The following KMT2C variants were observed in gnomAD, a reference collection of about 807,000 sequenced individuals.
KMT2C encodes histone-lysine N-methyltransferase 2C.
A neutral mutation model predicts 507.9 loss-of-function variants in KMT2C; 88 were observed. The observed-to-expected ratio is 0.17, with a 90% CI of 0.15 to 0.21. The LOEUF is 0.21. KMT2C is among the 10% of genes least tolerant of loss of function. The pLI is 1.00. For missense variants in KMT2C, 4,954 were observed against 5,957.8 expected, an observed-to-expected ratio of 0.83 and a Z score of 5.55; for synonymous variants, 2,049 against 2,080.8, an observed-to-expected ratio of 0.98 and a Z score of 0.42.
intron 12 of KMT2C, 30 bp from the exon 13 acceptor site, chr7:152,249,983 A>T: frequency 6.3e-6 from 9 of 1,439,344 alleles, no homozygotes; most frequent in Non-Finnish European, 8.8e-6. Context: ...AAAATCTCTA[A>T]GGAGTCAAAA....
At chr7:152,354,690 C>G (rs1340826216) in intron 2 of KMT2C, among the ~76,000 whole-genome samples, 1 of 152,030 alleles carries the variant, frequency 6.6e-6, no homozygotes, top group East Asian at 1.9e-4. Flanking sequence ...GCAAAGAAGA[C>G]AAAAAGTGCA....
chr7:152,399,548 A>G (rs1367849986), intron 1 of KMT2C, among the ~76,000 whole-genome samples: 2 of 152,118 alleles, frequency 1.3e-5, no homozygotes, highest in Non-Finnish European at 2.9e-5. Context: ...GCTTAACCCT[A>G]AAGTAAAGCC....
At chr7:152,335,418 A>G (rs1223447424) in intron 2 of KMT2C, among the ~76,000 whole-genome samples, 1 of 152,210 alleles carries the variant, frequency 6.6e-6, no homozygotes, top group Admixed American at 6.5e-5. Context: ...TTAAGGAGGA[A>G]TAAGAATAGT....
chr7:152,203,720 A>G (rs188522874), intron 25 of KMT2C, among the ~76,000 whole-genome samples: 1 of 152,322 alleles, frequency 6.6e-6, no homozygotes, highest in East Asian at 1.9e-4. Flanking sequence ...GGCAGGGCAA[A>G]TGGCACATCC....
chr7:152,327,920 T>A (rs1279719126), intron 3 of KMT2C, among the ~76,000 whole-genome samples: 2 of 140,076 alleles, frequency 1.4e-5, no homozygotes, highest in Admixed American at 7.9e-5. Context: ...ATCGCGCCAC[T>A]GCATTCCAGC....
Position 152,324,937 on chromosome 7 carries a change from A to C in KMT2C, c.389+5664T>G, listed in dbSNP as rs2096812814. The stretch of plus-strand genomic sequence containing the variant: ...AATGTTTATTGAAAGTAATCGAGTA[A>C]TGTTTATTGCAAGTAATCAAGTAAT... On this transcript the variant is annotated intron_variant, in intron 3 of 58. Coordinates refer to ENST00000262189, the MANE Select transcript of KMT2C (RefSeq NM_170606.3). Among the ~76,000 whole-genome samples the C allele has an allele frequency of 2.6e-5, 4 of 152,044 alleles. No homozygotes were observed. The South Asian group carries it at 8.3e-4, about 31-fold the overall frequency.
chr7:152,268,047 A>C (rs548768266), intron 7 of KMT2C, among the ~76,000 whole-genome samples: 1 of 152,302 alleles, frequency 6.6e-6, no homozygotes, highest in East Asian at 1.9e-4. Context: ...TGGGAGGCCA[A>C]AGCAGATGGA....
In KMT2C at chr7:152,150,999, T is replaced by C; in HGVS notation, c.12675A>G (p.Arg4225=). The C allele has an allele frequency of 6.2e-7, 1 of 1,600,138 alleles. No homozygotes were observed. Among genetic ancestry groups the C allele is most frequent in the South Asian group, 1.1e-5 (1 of 89,860 alleles). The change falls in exon 51 of 59, where the codon CGA becomes CGG. Residue 4225 remains arginine, a synonymous_variant. Transcript: ENST00000262189. ...KDLTLLNKDS[R]ESTKRVEKDI... ...CCTTCTCTACCCTCTTGGTGCTTTCTCGGGAATCCTGAAAAGCAAAGAGAA... is the reference window on the plus strand; with the variant it reads ...CCTTCTCTACCCTCTTGGTGCTTTCCCGGGAATCCTGAAAAGCAAAGAGAA...
chr7:152,223,198 A>G (rs1367581042), intron 20 of KMT2C, among the ~76,000 whole-genome samples: 4 of 152,210 alleles, frequency 2.6e-5, no homozygotes, highest in Non-Finnish European at 5.9e-5. Flanking sequence ...TATTAATAAT[A>G]TATGTTCACT....
At chr7:152,184,072 CAA>C (rs555445009) in intron 34 of KMT2C, among the ~76,000 whole-genome samples, 5 of 49,462 alleles carry the variant, frequency 1.0e-4, no homozygotes, top group Non-Finnish European at 1.1e-4. Context: ...AGCTCCATCT[CAA>C]AAAAAAAAAA....
intron 3 of KMT2C, among the ~76,000 whole-genome samples, chr7:152,323,480 A>G (rs1166482634): frequency 2.0e-5 from 3 of 151,538 alleles, no homozygotes; most frequent in Non-Finnish European, 4.4e-5. Context: ...TCTACATAAA[A>G]TTTTAAAAAT....
At chr7:152,322,624 G>A (rs1352330469) in intron 3 of KMT2C, among the ~76,000 whole-genome samples, 1 of 151,928 alleles carries the variant, frequency 6.6e-6, no homozygotes, top group East Asian at 1.9e-4. Flanking sequence ...AAAACATAGG[G>A]AGAAAGTTCC....
Position 152,177,107 on chromosome 7 carries a change from A to G in KMT2C, c.8346T>C (p.Asp2782=), listed in dbSNP as rs765470625. ...ATACACACTGATTATCTAACTTATC[A>G]TCAATTGGAAGGTCTAGTTCCTCAT... ...MFNEELDLPI[D]DKLDNQCVSV... is the part of the protein sequence containing the mutation. Residue 2782 remains aspartate (D), a synonymous_variant, in exon 38 of 59, where the codon GAT becomes GAC. Transcript: ENST00000262189. 9.9e-6 allele frequency: 16 copies of G among 1,613,040 alleles called. No individual in the cohort carries two copies. Among genetic ancestry groups the G allele is most frequent in the Non-Finnish European group, 1.3e-5 (15 of 1,179,740 alleles).
At chr7:152,191,542 C>T (rs556811048) in intron 31 of KMT2C, among the ~76,000 whole-genome samples, 3 of 152,272 alleles carry the variant, frequency 2.0e-5, no homozygotes, top group African/African-American at 7.2e-5. Context: ...CCACAATAAC[C>T]TCATTAGTAC....
At position 152,236,585 on chromosome 7, in the gene KMT2C, C is replaced by T. The variant is rs771444777; in HGVS notation, c.2653-652G>A. Among the ~76,000 whole-genome samples, 14 of 152,310 alleles carry T rather than the reference C, an allele frequency of 9.2e-5. No homozygotes were observed. The East Asian group carries it at 1.2e-3, about 13-fold the overall frequency. On this transcript the variant is annotated intron_variant, in intron 15 of 58. Coordinates refer to ENST00000262189, the MANE Select transcript of KMT2C (RefSeq NM_170606.3). Reference sequence around the variant, plus strand: ...CTAGTGTTGTGTAACAGTATTCTTCCTCTCATTAAAATTAAGTCAGTTTCC... The same window carrying T: ...CTAGTGTTGTGTAACAGTATTCTTCTTCTCATTAAAATTAAGTCAGTTTCC...
At position 152,139,828 on chromosome 7, in the gene KMT2C, A is replaced by G. The variant is rs372680664; in HGVS notation, c.14344-37T>C. 115 of 1,422,320 alleles carry G rather than the reference A, an allele frequency of 8.1e-5. No individual in the cohort carries two copies. The African/African-American group carries it at 1.4e-3, about 17-fold the overall frequency. 88.1% of individuals were successfully genotyped at this position (1,422,320 alleles called of 1,614,324 possible). Reference sequence around the variant, plus strand: ...TGTGTACATACTTCCAATTTATGTGACAACAAGTCTTTTTTCTGTTTTTCA... The same window carrying G: ...TGTGTACATACTTCCAATTTATGTGGCAACAAGTCTTTTTTCTGTTTTTCA... On this transcript the variant is annotated intron_variant, in intron 55 of 58. Transcript: ENST00000262189.
At chr7:152,288,479 G>A (rs889240364) in intron 6 of KMT2C, among the ~76,000 whole-genome samples, 9 of 151,998 alleles carry the variant, frequency 5.9e-5, no homozygotes, top group African/African-American at 2.2e-4. Flanking sequence ...TTTGCAGTGA[G>A]CTGAGATCGT....
intron 51 of KMT2C, among the ~76,000 whole-genome samples, chr7:152,149,894 G>A (rs1398234078): frequency 1.3e-5 from 2 of 152,080 alleles, no homozygotes; most frequent in Non-Finnish European, 2.9e-5. Context: ...GGCAGGGACT[G>A]CACACCAACT....
At chr7:152,238,235 T>C (rs1181927009) in intron 15 of KMT2C, among the ~76,000 whole-genome samples, 1 of 152,310 alleles carries the variant, frequency 6.6e-6, no homozygotes, top group African/African-American at 2.4e-5. Context: ...TCACACTACT[T>C]AACTCACTTC....
Sources: gnomAD v4.1 joint callset for allele counts (sites outside exome capture counted in the v4.1 genomes callset) on GRCh38, gnomAD v4.1.1 for gene constraint, MANE v1.5 for transcripts, NCBI Gene and HGNC (gene_info 2026-07-23, HGNC 2026-07-21) for gene names.